Variants in RANBP10 observed in about 807,000 individuals in gnomAD.
RANBP10 encodes the protein RAN binding protein 10.
In RANBP10, 24 loss-of-function variants were observed where a neutral mutation model predicts 72.8. That is an observed-to-expected ratio of 0.33 (90% CI 0.24 to 0.46). The LOEUF (loss-of-function observed/expected upper bound fraction) is 0.46, where lower values mean the gene tolerates loss of function less well. RANBP10 is among the 20% of genes least tolerant of loss of function. RANBP10 has a pLI of 1.00. For synonymous variants in RANBP10, 310 were observed against 322.3 expected (o/e 0.96, Z 0.41); for missense variants, 679 against 817.5 (o/e 0.83, Z 2.07).
At chr16:67,763,819 C>G (rs1363762689) in intron 3 of RANBP10, among the ~76,000 whole-genome samples, 1 of 152,172 alleles carries the variant, frequency 6.6e-6, no homozygotes, top group Non-Finnish European at 1.5e-5. Flanking sequence ...CTCAGCCTCC[C>G]GAGTAGCTAG....
Position 67,728,379 on chromosome 16 carries a change from G to A in RANBP10, c.1474+11C>T, listed in dbSNP as rs773531383. ...CCCTCAAAGAATAGCACACCGGGCCGTGGCTCTCACCCATGCTGGACTCAT... is the reference window on the plus strand; with the variant it reads ...CCCTCAAAGAATAGCACACCGGGCCATGGCTCTCACCCATGCTGGACTCAT... On this transcript the variant is annotated intron_variant, in intron 11 of 13. Transcript: ENST00000317506. 1.7e-5 allele frequency: 28 copies of A among 1,613,190 alleles called. No homozygotes were observed. Among genetic ancestry groups the A allele is most frequent in the Middle Eastern group, 1.6e-4 (1 of 6,082 alleles).
chr16:67,777,321 G>A (rs997713784), intron 2 of RANBP10, among the ~76,000 whole-genome samples: 3 of 152,074 alleles, frequency 2.0e-5, no homozygotes, highest in Admixed American at 6.6e-5. Flanking sequence ...CAGATCACAA[G>A]GTCAGGAGAT....
chr16:67,740,619 C>CT (rs1226566769), intron 4 of RANBP10, among the ~76,000 whole-genome samples: 1 of 152,162 alleles, frequency 6.6e-6, no homozygotes, highest in Non-Finnish European at 1.5e-5. Flanking sequence ...ATACCACATG[C>CT]TTCCTCTATG....
chr16:67,734,972 G>A lies in RANBP10; in HGVS notation c.662C>T (p.Pro221Leu). ...GTAGTCCTCAATGTCAAACAGGAAG[G>A]GCTGCTGCCCAAAGTTGGCGTCCAC... is the stretch of plus-strand genomic sequence containing the variant. ...EIVDANFGQQ[P>L]FLFDIEDYMR... The change falls in exon 6 of 14, where the codon CCC becomes CTC. Residue 221 changes from proline to leucine, a missense_variant. Pro to Leu is a moderately conservative substitution (Grantham distance 98). Coordinates refer to ENST00000317506, the MANE Select transcript of RANBP10 (RefSeq NM_020850.3). 6.2e-7 allele frequency: 1 copy of A among 1,614,102 alleles called. No individual in the cohort carries two copies. Among genetic ancestry groups the A allele is most frequent in the East Asian group, 2.2e-5 (1 of 44,876 alleles).
chr16:67,781,158 G>A (rs944226576), intron 2 of RANBP10, among the ~76,000 whole-genome samples: 2 of 152,194 alleles, frequency 1.3e-5, no homozygotes, highest in Non-Finnish European at 2.9e-5. Flanking sequence ...GTGGATGATG[G>A]GACAACCCCA....
At position 67,789,494 on chromosome 16, in the gene RANBP10, G is replaced by A. The variant is rs533303137; in HGVS notation, c.347+15934C>T. Among the ~76,000 whole-genome samples the A allele has an allele frequency of 2.8e-4, 43 of 151,234 alleles. 1 individual carries two copies. Among genetic ancestry groups the A allele is most frequent in the African/African-American group, 1.0e-3 (41 of 40,942 alleles). ...CCATATTTCTTTTTTTTTTGAGATG[G>A]AGTCTCACTCTGTTGCCTAGGCTGG... On this transcript the variant is annotated intron_variant, in intron 2 of 13. Transcript: ENST00000317506.
At chr16:67,797,720 G>A (rs2143021022) in intron 2 of RANBP10, among the ~76,000 whole-genome samples, 1 of 152,250 alleles carries the variant, frequency 6.6e-6, no homozygotes, top group East Asian at 1.9e-4. Flanking sequence ...TGAGGCATGA[G>A]AATCACTTGA....
chr16:67,737,145 GT>G (rs11325297), intron 5 of RANBP10, among the ~76,000 whole-genome samples: 110,714 of 119,938 alleles, frequency 0.92, 50,992 homozygotes, highest in Middle Eastern at 0.97. Context: ...ATCCTTTTCT[GT>G]TTTTTTTTTT....
Position 67,726,179 on chromosome 16 carries a change from C to T in RANBP10, c.*249G>A. The stretch of plus-strand genomic sequence containing the variant: ...AACCCCCCTTTCAAAATAGAAGGCG[C>T]TACATGAGAGTAACCAGCCAATACT... On this transcript the variant is annotated 3_prime_UTR_variant, in exon 14 of 14. Transcript: ENST00000317506. The T allele has an allele frequency of 2.2e-6, 1 of 463,454 alleles. No individual in the cohort carries two copies. The highest frequency in any genetic ancestry group is 4.6e-5 in the East Asian group (1 of 21,966). The allele number at this position is 463,454 out of a possible 1,614,324, so 28.7% of individuals were successfully genotyped here. A position where few individuals can be genotyped will look rare whatever the true frequency, so the allele number is the denominator to read the frequency against.
chr16:67,741,398 C>T (rs968530084), intron 4 of RANBP10, among the ~76,000 whole-genome samples: 1 of 152,212 alleles, frequency 6.6e-6, no homozygotes, highest in Non-Finnish European at 1.5e-5. Flanking sequence ...CAGCCTGCAA[C>T]ATCATTTTGA....
intron 11 of RANBP10, 132 bp downstream of exon 11, chr16:67,728,258 A>G: frequency 1.0e-6 from 1 of 968,340 alleles, no homozygotes. Flanking sequence ...TCGGCTAAGG[A>G]GGCTGTGGAC....
At chr16:67,728,306 C>T (rs2053649570) in intron 11 of RANBP10, 84 bp downstream of exon 11, 1 of 1,475,268 alleles carries the variant, frequency 6.8e-7, no homozygotes. Context: ...CCAAAGCCTG[C>T]CTACCCCAGC....
chr16:67,734,991 CGTCCACAATCTCCCCAGGT>C lies in RANBP10; in HGVS notation c.624_642del (p.Gly210ThrfsTer65). 1 of 1,613,658 alleles carries C rather than the reference CGTCCACAATCTCCCCAGGT, an allele frequency of 6.2e-7. No individual in the cohort carries two copies. The highest frequency in any genetic ancestry group is 8.5e-7 in the Non-Finnish European group (1 of 1,179,734). ...AGGAAGGGCTGCTGCCCAAAGTTGGCGTCCACAATCTCCCCAGGTGTCTGCAGGCCTACGGTGGGGTAGA... is the reference window on the plus strand; with the variant it reads ...AGGAAGGGCTGCTGCCCAAAGTTGGCGTCTGCAGGCCTACGGTGGGGTAGA... On this transcript the variant is annotated frameshift_variant, in exon 6 of 14. Transcript: ENST00000317506. LOFTEE classifies it high-confidence loss of function.
rs781156303 is a variant in RANBP10, at chr16:67,729,673, G to T, written c.1147+7C>A. ...TTCTTCCCAGAGCCCTCTGGAGAGT[G>T]GCTGACCTGTGTTGTGCATGTGGGA... is the stretch of plus-strand genomic sequence containing the variant. On this transcript the variant is annotated splice_region_variant and intron_variant, in intron 9 of 13. Coordinates refer to ENST00000317506, the MANE Select transcript of RANBP10 (RefSeq NM_020850.3). The surrounding 1 kb of genome is among the most constrained non-coding windows in gnomAD (Gnocchi z 7.1). 6.2e-7 allele frequency: 1 copy of T among 1,607,514 alleles called. No individual in the cohort carries two copies. Among genetic ancestry groups the T allele is most frequent in the African/African-American group, 1.3e-5 (1 of 74,940 alleles).
intron 2 of RANBP10, among the ~76,000 whole-genome samples, chr16:67,782,193 T>G (rs1369592446): frequency 1.3e-5 from 2 of 152,196 alleles, no homozygotes; most frequent in African/African-American, 4.8e-5. Context: ...CAAGCTGGAG[T>G]GCAATGGTGA....
At chr16:67,783,787 T>C (rs1259703685) in intron 2 of RANBP10, among the ~76,000 whole-genome samples, 1 of 152,150 alleles carries the variant, frequency 6.6e-6, no homozygotes, top group Non-Finnish European at 1.5e-5. Flanking sequence ...CTCACGCCTA[T>C]AATCCCAGCA....
At chr16:67,785,186 T>C (rs2054892226) in intron 2 of RANBP10, among the ~76,000 whole-genome samples, 1 of 151,386 alleles carries the variant, frequency 6.6e-6, no homozygotes, top group Admixed American at 6.6e-5. Context: ...CATTCCATCC[T>C]GGGTGACAGA....
chr16:67,798,967 C>T (rs543308675), intron 2 of RANBP10, among the ~76,000 whole-genome samples: 19 of 152,320 alleles, frequency 1.2e-4, no homozygotes, highest in Non-Finnish European at 8.8e-5. Context: ...ACTCTGTCAC[C>T]CAGGCTGGAG....
chr16:67,734,549 C>G (rs1472565782), intron 6 of RANBP10, among the ~76,000 whole-genome samples: 1 of 152,178 alleles, frequency 6.6e-6, no homozygotes, highest in Non-Finnish European at 1.5e-5. Flanking sequence ...CACAGGGCAT[C>G]CTCTGCAAAA....
Sources: allele counts gnomAD v4.1 joint callset (sites outside exome capture counted in the v4.1 genomes callset), GRCh38; gene constraint gnomAD v4.1.1; non-coding constraint Gnocchi (gnomAD v3.1); transcripts MANE v1.5; gene names NCBI Gene and HGNC (gene_info 2026-07-23, HGNC 2026-07-21).